The following ZNF799 variants were observed in gnomAD, a reference collection of about 807,000 sequenced individuals.
ZNF799 encodes zinc finger protein 14.
ZNF799 carries 28 observed loss-of-function variants against 41.0 expected under a neutral mutation model. The ratio of observed to expected loss-of-function variants is 0.68; its 90% CI spans 0.51 to 0.94. The LOEUF (loss-of-function observed/expected upper bound fraction) is 0.94, where lower values mean the gene tolerates loss of function less well. Ranked by LOEUF, ZNF799 falls within the 40% of genes least tolerant of loss-of-function variation. The probability of loss-of-function intolerance (pLI) is 0.00; values close to 1 mark genes in which losing one functional copy is unlikely to be tolerated. For synonymous variants in ZNF799, 213 were observed against 252.9 expected, an observed-to-expected ratio of 0.84 and a Z score of 1.50; for missense variants, 716 against 764.3, an observed-to-expected ratio of 0.94 and a Z score of 0.74.
chr19:12,408,419 C>T, the ZNF799 span, among the ~76,000 whole-genome samples: 1 of 151,980 alleles, frequency 6.6e-6, no homozygotes, highest in East Asian at 1.9e-4. Flanking sequence ...ATATCAATTG[C>T]CATTTAAACA....
At chr19:12,409,340 C>A in the ZNF799 span, among the ~76,000 whole-genome samples, 1 of 152,192 alleles carries the variant, frequency 6.6e-6, no homozygotes, top group African/African-American at 2.4e-5. Flanking sequence ...CCACCCGGTT[C>A]CTAACCAGCT....
In ZNF799 at chr19:12,391,327, T is replaced by A; in HGVS notation, c.1071A>T (p.Arg357Ser). 6.2e-7 allele frequency: 1 copy of A among 1,614,200 alleles called. No individual in the cohort carries two copies. Among genetic ancestry groups the A allele is most frequent in the Non-Finnish European group, 8.5e-7 (1 of 1,180,016 alleles). Residue 357 changes from arginine to serine, a missense_variant, in exon 4 of 4, where the codon AGA becomes AGT. Transcript: ENST00000430385. The stretch of plus-strand genomic sequence containing the variant: ...CATAGAGTTTCTCTCCAGTGTGAGT[T>A]CTTTCATGACTTTTCAGTGAACTAG... ...DCPSSLKSHE[R>S]THTGEKLYEC...
At chr19:12,403,621 C>G (rs971462209), upstream of ZNF799, among the ~76,000 whole-genome samples, 10 of 151,864 alleles carry the variant, frequency 6.6e-5, no homozygotes, top group African/African-American at 2.4e-4. Flanking sequence ...GGCGCAATCT[C>G]AGCTCACTGC....
intron 1 of ZNF799, among the ~76,000 whole-genome samples, chr19:12,398,544 T>C (rs959222680): frequency 6.6e-6 from 1 of 152,186 alleles, no homozygotes; most frequent in African/African-American, 2.4e-5. Flanking sequence ...ACTATTTCCA[T>C]GATAGTAAGT....
At position 12,395,433 on chromosome 19, in the gene ZNF799, T is replaced by C. The variant is rs1405609835; in HGVS notation, c.4-2010A>G. 7.9e-5 allele frequency among the ~76,000 whole-genome samples: 12 copies of C among 151,582 alleles called. No homozygotes were observed. The South Asian group carries it at 8.4e-4, about 11-fold the overall frequency. ...CTAGGATTACAGGTGTGAGCCACAG[T>C]GCCCAGCCAAGGCCCTCTCTTCTAC... is the stretch of plus-strand genomic sequence containing the variant. On this transcript the variant is annotated intron_variant, in intron 1 of 3. Coordinates refer to ENST00000430385, the MANE Select transcript of ZNF799 (RefSeq NM_001080821.3).
chr19:12,401,581 A>ATT (rs1380244202), upstream of ZNF799, among the ~76,000 whole-genome samples: 2 of 109,682 alleles, frequency 1.8e-5, no homozygotes, highest in African/African-American at 3.6e-5. Context: ...AGAGAGAGAG[A>ATT]GAGAGAGAGA....
At chr19:12,393,153 C>T (rs1291396156) in intron 2 of ZNF799, 144 bp downstream of exon 2, 2 of 373,572 alleles carry the variant, frequency 5.4e-6, no homozygotes, top group African/African-American at 2.4e-5. Context: ...ACAACTGCTA[C>T]AGGAGCTGGC....
intron 1 of ZNF799, chr19:12,394,672 G>T: frequency 2.0e-6 from 2 of 985,100 alleles, no homozygotes; most frequent in South Asian, 9.4e-5. Flanking sequence ...AGAAAGAAGG[G>T]GAAAGACTGC....
chr19:12,404,442 A>AT (rs1054879047), upstream of ZNF799, among the ~76,000 whole-genome samples: 87 of 150,462 alleles, frequency 5.8e-4, 1 homozygote, highest in East Asian at 1.9e-3. Context: ...TTTTATTTTT[A>AT]TTTTTTTTTG....
At chr19:12,395,776 C>A (rs1196020965) in intron 1 of ZNF799, among the ~76,000 whole-genome samples, 1 of 152,206 alleles carries the variant, frequency 6.6e-6, no homozygotes, top group African/African-American at 2.4e-5. Flanking sequence ...GTAAGCAGAA[C>A]ATAAAGCATA....
chr19:12,391,593 G>A lies in ZNF799; in HGVS notation c.805C>T (p.Leu269=), dbSNP rs1284676128. ...CCAGTGTGAGTTCTTTCATGTCTTA[G>A]ACAAGAACTGTAATCAGGGAAGGCT... is the stretch of plus-strand genomic sequence containing the variant. ...SKAFPDYSSC[L]RHERTHTGKK... Residue 269 remains leucine, a synonymous_variant, in exon 4 of 4, where the codon CTA becomes TTA. Coordinates refer to ENST00000430385, the MANE Select transcript of ZNF799 (RefSeq NM_001080821.3). 6.2e-7 allele frequency: 1 copy of A among 1,614,102 alleles called. No homozygotes were observed. Among genetic ancestry groups the A allele is most frequent in the South Asian group, 1.1e-5 (1 of 91,082 alleles).
chr19:12,393,750 T>C (rs929404624), intron 1 of ZNF799: 2 of 1,122,716 alleles, frequency 1.8e-6, no homozygotes. Flanking sequence ...GTCCTACTAC[T>C]TATTGTGCAA....
chr19:12,412,736 CT>C, the ZNF799 span, among the ~76,000 whole-genome samples: 1 of 151,988 alleles, frequency 6.6e-6, no homozygotes, highest in Non-Finnish European at 1.5e-5. Flanking sequence ...CATCCTGTCC[CT>C]GAGTAAACAA....
At chr19:12,408,494 A>G in the ZNF799 span, among the ~76,000 whole-genome samples, 4 of 152,228 alleles carry the variant, frequency 2.6e-5, no homozygotes, top group Admixed American at 2.6e-4. Flanking sequence ...AACAAGACCC[A>G]TGAATGTATA....
At chr19:12,414,056 C>A in the ZNF799 span, among the ~76,000 whole-genome samples, 1 of 152,160 alleles carries the variant, frequency 6.6e-6, no homozygotes, top group Non-Finnish European at 1.5e-5. Context: ...ACTTTCAGGG[C>A]GTCTCTTAGC....
Position 12,390,730 on chromosome 19 carries a change from T to C in ZNF799, c.1668A>G (p.Arg556=), listed in dbSNP as rs765336311. The C allele has an allele frequency of 3.1e-6, 5 of 1,613,830 alleles. No homozygotes were observed. In the African/African-American group the frequency reaches 5.3e-5, roughly 17 times the overall value. The change falls in exon 4 of 4, where the codon AGA becomes AGG. Residue 556 remains arginine, a synonymous_variant. Transcript: ENST00000430385. ...ATTGTTGACACTCATAGGGTTTCTC[T>C]CTCATGTGAATTCTTTCATGTCGTA... is the stretch of plus-strand genomic sequence containing the variant. ...CFLRHERIHM[R]EKPYECQQCG...
chr19:12,395,104 G>A (rs975639705), intron 1 of ZNF799: 1 of 150,602 alleles, frequency 6.6e-6, no homozygotes, highest in Non-Finnish European at 1.5e-5. Context: ...TTTCCAATCT[G>A]TATAAGGACT....
At chr19:12,406,168 C>CAA (rs940819306), upstream of ZNF799, among the ~76,000 whole-genome samples, 18 of 58,932 alleles carry the variant, frequency 3.1e-4, no homozygotes, top group East Asian at 7.0e-4. Context: ...GACTCTGTCT[C>CAA]AAAAAAAAAA....
In ZNF799 at chr19:12,391,230, C is replaced by T. The variant is rs201389705; in HGVS notation, c.1168G>A (p.Asp390Asn). ...FRRHMTMHTG[D>N]GPHKCKICGK... Reference sequence around the variant, plus strand: ...CATATCTTGCATTTGTGAGGTCCATCTCCAGTGTGCATTGTCATGTGTCTT... The same window carrying T: ...CATATCTTGCATTTGTGAGGTCCATTTCCAGTGTGCATTGTCATGTGTCTT... The change falls in exon 4 of 4, where the codon GAT (aspartate) becomes AAT (asparagine). Residue 390 changes from aspartate to asparagine, a missense_variant. Physicochemically the swap from Asp to Asn is conservative, Grantham distance 23. This residue lies in a region of ZNF799 where 698 missense variants were observed against 713.6 expected (regional missense o/e 0.98). Transcript: ENST00000430385. 3 of 1,614,190 alleles carry T rather than the reference C, an allele frequency of 1.9e-6. No individual in the cohort carries two copies. Among genetic ancestry groups the T allele is most frequent in the African/African-American group, 1.3e-5 (1 of 75,056 alleles).
Sources: allele counts gnomAD v4.1 joint callset (sites outside exome capture counted in the v4.1 genomes callset), GRCh38; gene constraint gnomAD v4.1.1; regional missense constraint gnomAD v4.1.1; transcripts MANE v1.5; gene names NCBI Gene and HGNC (gene_info 2026-07-23, HGNC 2026-07-21).